Variants in CNTN5 observed in about 807,000 individuals in gnomAD.
The protein encoded by CNTN5 is contactin 5.
CNTN5 carries 77 observed loss-of-function variants against 129.1 expected under a neutral mutation model. The observed-to-expected ratio is 0.60, with a 90% CI of 0.50 to 0.72. CNTN5 has a LOEUF of 0.72. Ranked by LOEUF, CNTN5 falls within the 30% of genes least tolerant of loss-of-function variation. The pLI, the probability that CNTN5 is intolerant of heterozygous loss-of-function variation, is 0.00. For missense variants in CNTN5, 1,478 were observed against 1,328.8 expected (o/e 1.11, Z -1.75); for synonymous variants, 509 against 465.6 (o/e 1.09, Z -1.20).
intron 13 of CNTN5, among the ~76,000 whole-genome samples, chr11:100,111,661 AATCT>A (rs1435771216): frequency 6.6e-6 from 1 of 152,162 alleles, no homozygotes; most frequent in African/African-American, 2.4e-5. Flanking sequence ...CTTAATATGC[AATCT>A]ATCCTCTTAA....
At chr11:100,004,690 G>A (rs1400945725) in intron 9 of CNTN5, among the ~76,000 whole-genome samples, 1 of 152,140 alleles carries the variant, frequency 6.6e-6, no homozygotes, top group Non-Finnish European at 1.5e-5. Flanking sequence ...ACTCCTGATA[G>A]CAATGACTCA....
intron 2 of CNTN5, among the ~76,000 whole-genome samples, chr11:99,485,715 C>A (rs2656148): frequency 0.2 from 31,007 of 151,702 alleles, 3,485 homozygotes; most frequent in Middle Eastern, 0.33. Context: ...ACAAAAAAAA[C>A]CCCTGAATTT....
chr11:99,703,435 G>A (rs781289244), intron 3 of CNTN5, among the ~76,000 whole-genome samples: 1 of 150,228 alleles, frequency 6.7e-6, no homozygotes, highest in Non-Finnish European at 1.5e-5. Flanking sequence ...ATGTTTCTAT[G>A]AATAGTAGTA....
At chr11:100,096,037 G>A (rs539154413) in intron 13 of CNTN5, among the ~76,000 whole-genome samples, 2 of 152,020 alleles carry the variant, frequency 1.3e-5, no homozygotes, top group African/African-American at 4.8e-5. Flanking sequence ...AGACAGGGCC[G>A]ATATCATGGT....
At chr11:99,485,470 G>A (rs1945775038) in intron 2 of CNTN5, among the ~76,000 whole-genome samples, 1 of 152,036 alleles carries the variant, frequency 6.6e-6, no homozygotes, top group Admixed American at 6.6e-5. Flanking sequence ...CTCATCAATT[G>A]TAACATATGT....
chr11:99,416,718 T>C (rs2656222), intron 2 of CNTN5, among the ~76,000 whole-genome samples: 151,814 of 152,274 alleles, frequency 1, 75,677 homozygotes, highest in Non-Finnish European at 1. Context: ...ACGGGCATCA[T>C]AACAGAGAAG....
intron 3 of CNTN5, among the ~76,000 whole-genome samples, chr11:99,629,621 T>TTA (rs1951263544): frequency 6.0e-5 from 3 of 50,100 alleles, no homozygotes; most frequent in South Asian, 7.6e-4. Flanking sequence ...TAGATTTTTC[T>TTA]CATCATCAAA....
rs558378106 is a variant in CNTN5 at position 100,166,797 on chromosome 11, T to G, written c.1581-24329T>G. 1.6e-4 allele frequency among the ~76,000 whole-genome samples: 23 copies of G among 147,392 alleles called. No homozygotes were observed. In the South Asian group the frequency reaches 5.0e-3, roughly 32 times the overall value. On this transcript the variant is annotated intron_variant, in intron 13 of 24. Coordinates refer to ENST00000524871, the MANE Select transcript of CNTN5 (RefSeq NM_014361.4). ...TGTCTTACCTGGTGGATTCTCTGTT[T>G]GGTCAGATATCTAAATTAAAAAGGC...
At chr11:99,037,332 T>G (rs1393262631) in intron 1 of CNTN5, among the ~76,000 whole-genome samples, 1 of 152,152 alleles carries the variant, frequency 6.6e-6, no homozygotes, top group East Asian at 1.9e-4. Flanking sequence ...TCTAAAAGCT[T>G]TAATCGTTTC....
chr11:100,282,482 G>A (rs1950661386), intron 18 of CNTN5, among the ~76,000 whole-genome samples: 1 of 152,214 alleles, frequency 6.6e-6, no homozygotes, highest in Admixed American at 6.5e-5. Flanking sequence ...GGGATGAAGT[G>A]ACATAAGTAC....
At chr11:99,468,557 C>T (rs113560358) in intron 2 of CNTN5, among the ~76,000 whole-genome samples, 1,846 of 152,224 alleles carry the variant, frequency 0.012, 40 homozygotes, top group African/African-American at 0.042. Context: ...ATGTAGCCTG[C>T]AGAGTCATTG....
rs183643922 is a variant in CNTN5, at chr11:99,466,850, A to T, written c.-70-89295A>T. On this transcript the variant is annotated intron_variant, in intron 2 of 24. Coordinates refer to ENST00000524871, the MANE Select transcript of CNTN5 (RefSeq NM_014361.4). ...TGATTTTTTTTTAAATACGGATTTC[A>T]TATTTAGACAGAGAAGTGACATGTA... Among the ~76,000 whole-genome samples the T allele has an allele frequency of 2.2e-4, 33 of 152,182 alleles. No homozygotes were observed. The East Asian group carries it at 5.6e-3, about 26-fold the overall frequency.
At chr11:99,485,623 C>T (rs1945782424) in intron 2 of CNTN5, among the ~76,000 whole-genome samples, 2 of 151,854 alleles carry the variant, frequency 1.3e-5, no homozygotes, top group African/African-American at 4.8e-5. Context: ...TAAAAGCATC[C>T]TGCGGAATAA....
At position 99,802,137 on chromosome 11, in the gene CNTN5, T is replaced by C. The variant is rs147645314; in HGVS notation, c.56-17407T>C. Among the ~76,000 whole-genome samples, 945 of 152,374 alleles carry C rather than the reference T, an allele frequency of 6.2e-3. 9 individuals are homozygous for C. The highest frequency in any genetic ancestry group is 0.021 in the African/African-American group (888 of 41,594). ...GTAGAGAATATTGAGTAGAATTTTT[T>C]GTCTGTTCTTCTATAGACCTATATT... On this transcript the variant is annotated intron_variant, in intron 3 of 24. Transcript: ENST00000524871.
intron 15 of CNTN5, among the ~76,000 whole-genome samples, chr11:100,198,397 T>C (rs929575653): frequency 2.1e-5 from 3 of 141,716 alleles, no homozygotes; most frequent in African/African-American, 8.3e-5. Context: ...AGATGGATAC[T>C]GTATGTATGT....
Position 100,002,038 on chromosome 11 carries a change from G to T in CNTN5, c.882G>T (p.Val294=). ...PTPLTLRNDG[V]MGEYEPKIEV... ...AGACTATTCTTTCTTTCTAAGGTGT[G>T]ATGGGAGAATATGAGCCGAAAATTG... Residue 294 remains valine (V), a synonymous_variant, in exon 9 of 25, where the codon GTG becomes GTT. Coordinates refer to ENST00000524871, the MANE Select transcript of CNTN5 (RefSeq NM_014361.4). The T allele has an allele frequency of 6.3e-7, 1 of 1,584,718 alleles. No homozygotes were observed. Among genetic ancestry groups the T allele is most frequent in the South Asian group, 1.2e-5 (1 of 85,470 alleles).
chr11:99,250,589 C>T (rs557317435), intron 1 of CNTN5, among the ~76,000 whole-genome samples: 1 of 151,732 alleles, frequency 6.6e-6, no homozygotes, highest in African/African-American at 2.4e-5. Flanking sequence ...ATTTTTTTTC[C>T]ACTTAAATTC....
chr11:99,496,342 C>T (rs973625849), intron 2 of CNTN5, among the ~76,000 whole-genome samples: 4 of 151,942 alleles, frequency 2.6e-5, no homozygotes, highest in Non-Finnish European at 4.4e-5. Flanking sequence ...GGCCAGATCT[C>T]GGCTCACTGC....
At chr11:99,783,797 A>G (rs1174067828) in intron 3 of CNTN5, among the ~76,000 whole-genome samples, 1 of 150,894 alleles carries the variant, frequency 6.6e-6, no homozygotes, top group African/African-American at 2.4e-5. Flanking sequence ...AGGAAGGGGA[A>G]TATCACACTC....
Sources: allele counts gnomAD v4.1 joint callset (sites outside exome capture counted in the v4.1 genomes callset), GRCh38; gene constraint gnomAD v4.1.1; transcripts MANE v1.5; gene names NCBI Gene and HGNC (gene_info 2026-07-23, HGNC 2026-07-21).